Variants in C2CD2 observed in about 807,000 individuals in gnomAD.
C2CD2 encodes C2 calcium dependent domain containing 2.
A neutral mutation model predicts 74.3 loss-of-function variants in C2CD2; 43 were observed. That is an observed-to-expected ratio of 0.58 (90% CI 0.45 to 0.75). The LOEUF (loss-of-function observed/expected upper bound fraction) is 0.75, where lower values mean the gene tolerates loss of function less well. C2CD2 is among the 30% of genes least tolerant of loss of function. The pLI is 0.00. For missense variants in C2CD2, 801 were observed against 916.3 expected, an observed-to-expected ratio of 0.87 and a Z score of 1.63; for synonymous variants, 422 against 390.7, an observed-to-expected ratio of 1.08 and a Z score of -0.94.
Position 41,901,669 on chromosome 21 carries a change from T to C in C2CD2, c.1513A>G (p.Lys505Glu). Residue 505 changes from lysine to glutamate, a missense_variant, in exon 12 of 14, where the codon AAG (lysine) becomes GAG (glutamate). Transcript: ENST00000380486. ...ATAGTGCTTTTCTTCCGTGGCGACTTGAGTTTCAGCTTTGAAGATTCACTG... is the reference window on the plus strand; with the variant it reads ...ATAGTGCTTTTCTTCCGTGGCGACTCGAGTTTCAGCTTTGAAGATTCACTG... ...QLSESSKLKL[K>E]SPRKKSTIII... is the part of the protein sequence containing the mutation. 1 of 1,614,138 alleles carries C rather than the reference T, an allele frequency of 6.2e-7. No homozygotes were observed. The highest frequency in any genetic ancestry group is 1.1e-5 in the South Asian group (1 of 91,086).
chr21:41,900,738 TC>T (rs143319123), intron 12 of C2CD2, among the ~76,000 whole-genome samples: 1,607 of 151,602 alleles, frequency 0.011, 32 homozygotes, highest in African/African-American at 0.037. Flanking sequence ...TTCTTCCTCA[TC>T]CCCCTCCTAC....
At position 41,919,283 on chromosome 21, in the gene C2CD2, CATGTGTGTATGT is replaced by C. The variant is rs1323066408; in HGVS notation, c.493-335_493-324del. ...GTGTGCGCATGTCTGCATCAGTGTG[CATGTGTGTATGT>C]ATGTGTGTACCTGCTCATTTATTCA... On this transcript the variant is annotated intron_variant, in intron 3 of 13. Coordinates refer to ENST00000380486, the MANE Select transcript of C2CD2 (RefSeq NM_015500.2). Among the ~76,000 whole-genome samples, 39 of 152,230 alleles carry C rather than the reference CATGTGTGTATGT, an allele frequency of 2.6e-4. No individual in the cohort carries two copies. In the South Asian group the frequency reaches 4.1e-3, roughly 16 times the overall value.
chr21:41,950,140 A>T (rs993338492), intron 1 of C2CD2, among the ~76,000 whole-genome samples: 12 of 144,012 alleles, frequency 8.3e-5, no homozygotes, highest in African/African-American at 2.9e-4. Flanking sequence ...GTATCATAAT[A>T]AAAAAAAAAA....
rs2839412 is a variant in C2CD2 at position 41,895,432 on chromosome 21, G to A, written c.1870+3621C>T. On this transcript the variant is annotated intron_variant, in intron 13 of 13. Coordinates refer to ENST00000380486, the MANE Select transcript of C2CD2 (RefSeq NM_015500.2). This position sits in a 1 kb window ranked among gnomAD's most constrained non-coding sequence, Gnocchi z 5.0. ...TACGGTCAACAATAGCCGGGGCCAT[G>A]TTGATTGCATGAAGCCTGACTACTT... 0.012 allele frequency among the ~76,000 whole-genome samples: 1,758 copies of A among 152,296 alleles called. 35 individuals carry two copies. Among genetic ancestry groups the A allele is most frequent in the African/African-American group, 0.04 (1,647 of 41,538 alleles).
chr21:41,901,390 G>C (rs1459196324), intron 12 of C2CD2: 12 of 585,496 alleles, frequency 2.0e-5, no homozygotes. Context: ...CTCTCAACGT[G>C]TAAAGCGTCC....
At chr21:41,909,719 G>T (rs2146173265) in intron 7 of C2CD2, among the ~76,000 whole-genome samples, 196 bp from the exon 8 acceptor site, 1 of 152,246 alleles carries the variant, frequency 6.6e-6, no homozygotes, top group East Asian at 1.9e-4. Flanking sequence ...TTAATATTCG[G>T]TGACTAGCCT....
intron 2 of C2CD2, among the ~76,000 whole-genome samples, chr21:41,925,795 C>T (rs2065204726): frequency 6.6e-6 from 1 of 152,200 alleles, no homozygotes; most frequent in Non-Finnish European, 1.5e-5. Flanking sequence ...AGGTAAGCAG[C>T]TCCTCCTCTC....
chr21:41,935,846 A>G (rs2065302630), intron 2 of C2CD2, among the ~76,000 whole-genome samples: 1 of 152,186 alleles, frequency 6.6e-6, no homozygotes, highest in Non-Finnish European at 1.5e-5. Context: ...TCTGTCTCAA[A>G]AAAAAAGTCC....
At chr21:41,936,624 A>G (rs533076903) in intron 2 of C2CD2, among the ~76,000 whole-genome samples, 1 of 152,232 alleles carries the variant, frequency 6.6e-6, no homozygotes, top group Admixed American at 6.5e-5. Context: ...GTGGGTTTCA[A>G]CTGCACAGGT....
At chr21:41,909,931 A>T (rs1009569349) in intron 7 of C2CD2, among the ~76,000 whole-genome samples, 1 of 151,940 alleles carries the variant, frequency 6.6e-6, no homozygotes, top group African/African-American at 2.4e-5. Flanking sequence ...TGACCTAAAG[A>T]CAAAATACGG....
chr21:41,940,003 C>T (rs1201569304), intron 2 of C2CD2, among the ~76,000 whole-genome samples: 2 of 152,182 alleles, frequency 1.3e-5, no homozygotes, highest in East Asian at 3.9e-4. Context: ...TGAAACGCTC[C>T]AAAATCTGAA....
intron 2 of C2CD2, among the ~76,000 whole-genome samples, chr21:41,932,246 G>T (rs1237800093): frequency 6.7e-6 from 1 of 149,996 alleles, no homozygotes; most frequent in African/African-American, 2.4e-5. Flanking sequence ...GCTCGTCCAG[G>T]CAGGGCATGA....
At chr21:41,907,525 G>C (rs763813816) in intron 9 of C2CD2, 135 bp downstream of exon 9, 146 of 956,860 alleles carry the variant, frequency 1.5e-4, no homozygotes, top group Non-Finnish European at 2.1e-4. Context: ...TGCGTACGAT[G>C]AAACAGCATC....
rs904025555 is a variant in C2CD2, at chr21:41,939,916, G to T, written c.378+2231C>A. On this transcript the variant is annotated intron_variant, in intron 2 of 13. Coordinates refer to ENST00000380486, the MANE Select transcript of C2CD2 (RefSeq NM_015500.2). This position sits in a 1 kb window ranked among gnomAD's most constrained non-coding sequence, Gnocchi z 5.5. Reference sequence around the variant, plus strand: ...TCCTCCGGTGCTTGTCTGAGGAGTCGGGAGGCGGTGAACAGACACAATCGC... The same window carrying T: ...TCCTCCGGTGCTTGTCTGAGGAGTCTGGAGGCGGTGAACAGACACAATCGC... Among the ~76,000 whole-genome samples the T allele has an allele frequency of 1.3e-5, 2 of 152,168 alleles. No individual in the cohort carries two copies. Among genetic ancestry groups the T allele is most frequent in the Admixed American group, 1.3e-4 (2 of 15,278 alleles).
intron 2 of C2CD2, among the ~76,000 whole-genome samples, chr21:41,927,218 T>G (rs567773855): frequency 6.6e-6 from 1 of 152,332 alleles, no homozygotes; most frequent in African/African-American, 2.4e-5. Flanking sequence ...TAAGCTGAAG[T>G]GCAGTGGCAC....
rs1198654717 is a variant in C2CD2 at position 41,885,989 on chromosome 21, GTTA to G, written c.*3132_*3134del. On this transcript the variant is annotated 3_prime_UTR_variant, in exon 14 of 14. Coordinates refer to ENST00000380486, the MANE Select transcript of C2CD2 (RefSeq NM_015500.2). ...TGGAACAAGGAGATGGCTACTTTTTGTTATTGCTACAATAACACACGCGTGTGT... is the reference window on the plus strand; with the variant it reads ...TGGAACAAGGAGATGGCTACTTTTTGTTGCTACAATAACACACGCGTGTGT... 1 of 152,402 alleles carries G rather than the reference GTTA, an allele frequency of 6.6e-6. No individual in the cohort carries two copies. Among genetic ancestry groups the G allele is most frequent in the Non-Finnish European group, 1.5e-5 (1 of 68,028 alleles). 9.4% of individuals were successfully genotyped at this position (152,402 alleles called of 1,614,324 possible).
intron 2 of C2CD2, among the ~76,000 whole-genome samples, chr21:41,935,046 C>G (rs1046916010): frequency 6.6e-6 from 1 of 152,186 alleles, no homozygotes; most frequent in Non-Finnish European, 1.5e-5. Flanking sequence ...CGTGCACCAC[C>G]ATGCTCGGCT....
At chr21:41,932,136 A>C (rs2065268091) in intron 2 of C2CD2, among the ~76,000 whole-genome samples, 1 of 149,314 alleles carries the variant, frequency 6.7e-6, no homozygotes, top group Non-Finnish European at 1.5e-5. Context: ...CCAATGATGT[A>C]ATCCATCATG....
intron 1 of C2CD2, 156 bp downstream of exon 1, chr21:41,953,214 C>G (rs570397230): frequency 4.6e-6 from 2 of 433,654 alleles, no homozygotes; most frequent in Admixed American, 8.8e-5. Flanking sequence ...GCCTCGCTCC[C>G]CCGTCTCTCT....
Sources: gnomAD v4.1 joint callset for allele counts (sites outside exome capture counted in the v4.1 genomes callset) on GRCh38, gnomAD v4.1.1 for gene constraint, Gnocchi (gnomAD v3.1) non-coding constraint, MANE v1.5 for transcripts, NCBI Gene and HGNC (gene_info 2026-07-23, HGNC 2026-07-21) for gene names.